Variants in TUSC3 observed in about 807,000 individuals in gnomAD.
The protein encoded by TUSC3 is dolichyl-diphosphooligosaccharide--protein glycosyltransferase subunit TUSC3.
Under a neutral mutation model 44.8 loss-of-function variants are expected in TUSC3, and 45 were observed. The observed-to-expected ratio is 1.00, with a 90% confidence interval of 0.79 to 1.29. The LOEUF (loss-of-function observed/expected upper bound fraction) is 1.29, where lower values mean the gene tolerates loss of function less well. Ranked by LOEUF, TUSC3 falls within the 50% of genes most tolerant of loss-of-function variation. The pLI is 0.00. For synonymous variants in TUSC3, 212 were observed against 152.9 expected (o/e 1.39, Z -2.85); for missense variants, 519 against 437.9 (o/e 1.19, Z -1.65).
At chr8:15,762,646 C>G (rs1812207682) in intron 10 of TUSC3, among the ~76,000 whole-genome samples, 2 of 152,002 alleles carry the variant, frequency 1.3e-5, no homozygotes, top group Admixed American at 1.3e-4. Context: ...GCTACAAATC[C>G]CTAGTTTTAA....
chr8:15,662,917 A>C (rs1214892338), intron 5 of TUSC3, among the ~76,000 whole-genome samples: 1 of 151,926 alleles, frequency 6.6e-6, no homozygotes, highest in African/African-American at 2.4e-5. Flanking sequence ...CTGTAGAAGA[A>C]AATGAAATTC....
At chr8:15,651,559 T>G (rs1278503284) in intron 3 of TUSC3, among the ~76,000 whole-genome samples, 2 of 152,092 alleles carry the variant, frequency 1.3e-5, no homozygotes, top group Non-Finnish European at 2.9e-5. Flanking sequence ...AGACGAGGAA[T>G]CGGGAGCAGG....
At chr8:15,659,871 G>A (rs75868685) in intron 4 of TUSC3, among the ~76,000 whole-genome samples, 2 of 151,998 alleles carry the variant, frequency 1.3e-5, no homozygotes, top group Non-Finnish European at 2.9e-5. Context: ...TAAAAATACA[G>A]GAGTTAAGCA....
At chr8:15,661,051 A>C (rs181731443) in intron 4 of TUSC3, among the ~76,000 whole-genome samples, 1 of 151,890 alleles carries the variant, frequency 6.6e-6, no homozygotes, top group Admixed American at 6.6e-5. Flanking sequence ...CTTTGTGATT[A>C]TCATTCTCCC....
intron 1 of TUSC3, among the ~76,000 whole-genome samples, chr8:15,586,441 C>T (rs1393939561): frequency 6.6e-6 from 1 of 151,976 alleles, no homozygotes; most frequent in Non-Finnish European, 1.5e-5. Context: ...CAGAAGGAGT[C>T]AGTAAAGTAA....
At chr8:15,528,779 C>T (rs898358596) in intron 2 of TUSC3, among the ~76,000 whole-genome samples, 12 of 152,070 alleles carry the variant, frequency 7.9e-5, no homozygotes, top group African/African-American at 2.7e-4. Context: ...AACATTTGTC[C>T]ATATCCCTAC....
At position 15,568,022 on chromosome 8, in the gene TUSC3, A is replaced by G. The variant is rs149166327; in HGVS notation, c.138+27454A>G. Among the ~76,000 whole-genome samples, 690 of 152,190 alleles carry G rather than the reference A, an allele frequency of 4.5e-3. 5 individuals are homozygous for G. Among genetic ancestry groups the G allele is most frequent in the African/African-American group, 0.016 (656 of 41,550 alleles). On this transcript the variant is annotated intron_variant, in intron 1 of 10. Transcript: ENST00000503731. ...CCTTTTCTATGGCCACATTGGTAGC[A>G]TATTATCAGGCAAGGCTACACATAT...
At chr8:15,522,948 G>C (rs1201336024) in intron 2 of TUSC3, among the ~76,000 whole-genome samples, 1 of 152,146 alleles carries the variant, frequency 6.6e-6, no homozygotes, top group Non-Finnish European at 1.5e-5. Flanking sequence ...GGAGTAAAAA[G>C]GGAGAAATTG....
the TUSC3 span, among the ~76,000 whole-genome samples, chr8:15,831,706 G>C: frequency 6.6e-6 from 1 of 152,066 alleles, no homozygotes; most frequent in Non-Finnish European, 1.5e-5. Context: ...AGAATTTCAG[G>C]CTTTCTGAAA....
At chr8:15,504,120 A>G (rs920129556) in intron 2 of TUSC3, among the ~76,000 whole-genome samples, 1 of 152,180 alleles carries the variant, frequency 6.6e-6, no homozygotes. Context: ...GCTTCCAGCA[A>G]AAGAAAGCCA....
chr8:15,673,304 A>G (rs1339487457), intron 5 of TUSC3, among the ~76,000 whole-genome samples: 1 of 152,072 alleles, frequency 6.6e-6, no homozygotes, highest in Non-Finnish European at 1.5e-5. Context: ...AGATTTAAGT[A>G]CCGTAATCCA....
chr8:15,690,241 T>C (rs1427459923), intron 6 of TUSC3, among the ~76,000 whole-genome samples: 1 of 152,188 alleles, frequency 6.6e-6, no homozygotes. Flanking sequence ...TGGTTTTGAT[T>C]TGCATTTCTG....
chr8:15,801,673 G>A, the TUSC3 span, among the ~76,000 whole-genome samples: 1 of 152,124 alleles, frequency 6.6e-6, no homozygotes, highest in African/African-American at 2.4e-5. Context: ...AGCACCATGA[G>A]GGTTGTGAGA....
intron 1 of TUSC3, among the ~76,000 whole-genome samples, chr8:15,459,220 A>G (rs927189441): frequency 6.6e-6 from 1 of 152,128 alleles, no homozygotes; most frequent in Non-Finnish European, 1.5e-5. Flanking sequence ...CAAATTTTTC[A>G]CTGAATTAAT....
At chr8:15,483,649 A>ATTTTTTTTTTTGTTTTTTTTTTTTTTT (rs1800694701) in intron 2 of TUSC3, among the ~76,000 whole-genome samples, 1 of 66,166 alleles carries the variant, frequency 1.5e-5, no homozygotes, top group African/African-American at 5.5e-5. Context: ...TAGCACTGTG[A>ATTTTTTTTTTTGTTTTTTTTTTTTTTT]TTTTTTTTTT....
intron 1 of TUSC3, among the ~76,000 whole-genome samples, chr8:15,578,885 G>A (rs1011401708): frequency 6.6e-6 from 1 of 152,078 alleles, no homozygotes; most frequent in African/African-American, 2.4e-5. Context: ...AGTTTCAGAA[G>A]GAATGGTACC....
chr8:15,445,959 C>A (rs1008832289), intron 1 of TUSC3, among the ~76,000 whole-genome samples: 3 of 150,934 alleles, frequency 2.0e-5, no homozygotes, highest in Non-Finnish European at 2.9e-5. Context: ...GGCTGCCCCC[C>A]ACCTCGCGGA....
intron 1 of TUSC3, among the ~76,000 whole-genome samples, chr8:15,473,920 C>T (rs1048681076): frequency 6.6e-6 from 1 of 152,006 alleles, no homozygotes; most frequent in Non-Finnish European, 1.5e-5. Context: ...TTTACCAGGG[C>T]GAGGTTTTTC....
intron 1 of TUSC3, among the ~76,000 whole-genome samples, chr8:15,553,266 G>C (rs892952434): frequency 6.6e-6 from 1 of 151,656 alleles, no homozygotes; most frequent in African/African-American, 2.4e-5. Flanking sequence ...ATTCATGGTG[G>C]TGGATAAAAA....
Sources: allele counts gnomAD v4.1 joint callset (sites outside exome capture counted in the v4.1 genomes callset), GRCh38; gene constraint gnomAD v4.1.1; transcripts MANE v1.5; gene names NCBI Gene and HGNC (gene_info 2026-07-23, HGNC 2026-07-21).